Variants in NEK5 observed in about 807,000 individuals in gnomAD.
NEK5 encodes the protein NIMA related kinase 5, also known as serine/threonine-protein kinase Nek5.
In NEK5, 88 loss-of-function variants were observed where a neutral mutation model predicts 109.2. The ratio of observed to expected loss-of-function variants is 0.81; its 90% CI spans 0.68 to 0.96. The LOEUF (loss-of-function observed/expected upper bound fraction) is 0.96, where lower values mean the gene tolerates loss of function less well. Among genes scored for constraint, NEK5 ranks in the 40% least tolerant of loss-of-function variants. The pLI, the probability that NEK5 is intolerant of heterozygous loss-of-function variation, is 0.00. For synonymous variants in NEK5, 283 were observed against 299.9 expected, an observed-to-expected ratio of 0.94 and a Z score of 0.58; for missense variants, 834 against 920.7, an observed-to-expected ratio of 0.91 and a Z score of 1.22.
chr13:52,087,571 G>C, intron 14 of NEK5, 117 bp from the exon 15 acceptor site: 2 of 543,332 alleles, frequency 3.7e-6, no homozygotes, highest in East Asian at 5.9e-5. Flanking sequence ...CTCAGTATTT[G>C]GGAGTTTTTT....
At chr13:52,089,105 C>CAACAACAAA (rs1408166968) in intron 14 of NEK5, 142 bp downstream of exon 14, 9 of 605,280 alleles carry the variant, frequency 1.5e-5, no homozygotes, top group South Asian at 2.1e-5. Flanking sequence ...ACAACAACAA[C>CAACAACAAA]AAAAACAAAA....
intron 16 of NEK5, among the ~76,000 whole-genome samples, chr13:52,085,615 A>G (rs1280237488): frequency 6.6e-6 from 1 of 152,164 alleles, no homozygotes; most frequent in Non-Finnish European, 1.5e-5. Flanking sequence ...CTCCTAGGAG[A>G]GCATTCCAGG....
intron 22 of NEK5, among the ~76,000 whole-genome samples, chr13:52,051,847 A>C (rs1399519233): frequency 6.6e-6 from 1 of 152,184 alleles, no homozygotes; most frequent in Non-Finnish European, 1.5e-5. Flanking sequence ...TTTACCCTAA[A>C]ACAATTCTGT....
chr13:52,056,403 A>T (rs1462107872), intron 22 of NEK5, among the ~76,000 whole-genome samples: 1 of 151,708 alleles, frequency 6.6e-6, no homozygotes, highest in Non-Finnish European at 1.5e-5. Context: ...CAGAAAATCA[A>T]CAAGGATACC....
intron 23 of NEK5, among the ~76,000 whole-genome samples, chr13:52,038,533 G>T (rs1169228518): frequency 1.3e-5 from 2 of 152,118 alleles, no homozygotes; most frequent in Non-Finnish European, 2.9e-5. Context: ...ATGTACAGTG[G>T]GTCCAGAAAG....
intron 23 of NEK5, among the ~76,000 whole-genome samples, chr13:52,043,963 C>T (rs554512110): frequency 1.4e-3 from 209 of 152,278 alleles, no homozygotes; most frequent in Admixed American, 4.1e-3. Flanking sequence ...CTGGGTGTGT[C>T]TGTGAGGGTG....
intron 23 of NEK5, among the ~76,000 whole-genome samples, chr13:52,041,728 C>CAAAAAAAA (rs60216367): frequency 4.2e-5 from 2 of 48,118 alleles, no homozygotes; most frequent in Admixed American, 3.2e-4. Flanking sequence ...AACTCTGTCT[C>CAAAAAAAA]AAAAAAAAAA....
chr13:52,112,421 G>C (rs1231538833), intron 4 of NEK5, 56 bp from the exon 5 acceptor site: 20 of 1,149,930 alleles, frequency 1.7e-5, no homozygotes, highest in Non-Finnish European at 2.2e-5. Context: ...TATCAGCCAT[G>C]TTCTGGCTGT....
chr13:52,062,320 G>A (rs761311977), intron 21 of NEK5, among the ~76,000 whole-genome samples: 24 of 152,114 alleles, frequency 1.6e-4, no homozygotes, highest in Non-Finnish European at 2.9e-4. Flanking sequence ...CTCCCTCTCA[G>A]CCCATGTTAT....
chr13:52,094,666 A>G (rs1955365292), intron 12 of NEK5, among the ~76,000 whole-genome samples: 2 of 152,188 alleles, frequency 1.3e-5, no homozygotes, highest in South Asian at 2.1e-4. Flanking sequence ...GGGTGCCTAT[A>G]GTCCCAGCTA....
chr13:52,118,801 TAAA>T (rs1955911153), intron 4 of NEK5, among the ~76,000 whole-genome samples: 1 of 152,142 alleles, frequency 6.6e-6, no homozygotes. Context: ...GGATCTCATG[TAAA>T]CAGAGTACCC....
At chr13:52,099,438 C>A (rs963122889) in intron 12 of NEK5, among the ~76,000 whole-genome samples, 1 of 151,962 alleles carries the variant, frequency 6.6e-6, no homozygotes, top group African/African-American at 2.4e-5. Context: ...TTGGGAGGCC[C>A]AGGCAGGTGG....
At chr13:52,095,658 C>T (rs1024493478) in intron 12 of NEK5, among the ~76,000 whole-genome samples, 16 of 152,296 alleles carry the variant, frequency 1.1e-4, no homozygotes, top group Admixed American at 5.9e-4. Context: ...GAGGCTGAGG[C>T]GGGCATATCA....
intron 9 of NEK5, among the ~76,000 whole-genome samples, chr13:52,102,726 C>T (rs1955566874): frequency 6.6e-6 from 1 of 152,128 alleles, no homozygotes; most frequent in Admixed American, 6.6e-5. Context: ...CTGTGGTCCA[C>T]CTTAAATTGT....
intron 9 of NEK5, 31 bp from the exon 10 acceptor site, chr13:52,102,323 C>T: frequency 6.6e-7 from 1 of 1,524,968 alleles, no homozygotes; most frequent in Non-Finnish European, 9.1e-7. Flanking sequence ...GACACTAAAT[C>T]AGAGAAAAGT....
intron 8 of NEK5, among the ~76,000 whole-genome samples, chr13:52,106,801 C>G (rs1179028595): frequency 1.3e-5 from 2 of 151,942 alleles, no homozygotes; most frequent in Non-Finnish European, 2.9e-5. Flanking sequence ...GAACCAGACT[C>G]TGATATCACA....
intron 4 of NEK5, 84 bp from the exon 5 acceptor site, chr13:52,112,449 G>C (rs1439295457): frequency 2.3e-6 from 2 of 883,428 alleles, no homozygotes; most frequent in African/African-American, 1.7e-5. Flanking sequence ...AGATGGACTG[G>C]GTTCTAATTC....
chr13:52,065,863 T>A (rs1310927990), intron 20 of NEK5, among the ~76,000 whole-genome samples: 1 of 152,226 alleles, frequency 6.6e-6, no homozygotes, highest in Non-Finnish European at 1.5e-5. Context: ...ACAAATGGAC[T>A]TCCTTGAGGC....
In NEK5 at chr13:52,099,623, T is replaced by C. The variant is rs1955488082; in HGVS notation, c.1026+120A>G. ...AGGTGGAGTTTGCGGTGAGCCGAGA[T>C]CGCGCCACTGCACTCCAGCCTGGCG... On this transcript the variant is annotated intron_variant, in intron 12 of 23. Transcript: ENST00000684899. 3.9e-6 allele frequency: 4 copies of C among 1,023,046 alleles called. No homozygotes were observed. In the Admixed American group the frequency reaches 7.1e-5, roughly 18 times the overall value. The allele number at this position is 1,023,046 out of a possible 1,614,324, so 63.4% of individuals were successfully genotyped here.
Sources: gnomAD v4.1 joint callset for allele counts (sites outside exome capture counted in the v4.1 genomes callset) on GRCh38, gnomAD v4.1.1 for gene constraint, MANE v1.5 for transcripts, NCBI Gene and HGNC (gene_info 2026-07-23, HGNC 2026-07-21) for gene names.